Variants in DGKB observed in about 807,000 individuals in gnomAD.
DGKB encodes diacylglycerol kinase beta.
DGKB carries 67 observed loss-of-function variants against 114.3 expected under a neutral mutation model. The ratio of observed to expected loss-of-function variants is 0.59; its 90% confidence interval spans 0.48 to 0.72. DGKB has a LOEUF of 0.72. Ranked by LOEUF, DGKB falls within the 30% of genes least tolerant of loss-of-function variation. The pLI is 0.00. For synonymous variants in DGKB, 398 were observed against 323.1 expected, an observed-to-expected ratio of 1.23 and a Z score of -2.49; for missense variants, 907 against 975.2, an observed-to-expected ratio of 0.93 and a Z score of 0.93.
At chr7:14,455,092 A>C (rs949353156) in intron 21 of DGKB, among the ~76,000 whole-genome samples, 5 of 152,028 alleles carry the variant, frequency 3.3e-5, no homozygotes, top group African/African-American at 1.2e-4. Context: ...CCAACCATCA[A>C]TATACTTTTT....
intron 23 of DGKB, among the ~76,000 whole-genome samples, chr7:14,263,488 T>G (rs2128417067): frequency 6.6e-6 from 1 of 152,348 alleles, no homozygotes; most frequent in South Asian, 2.1e-4. Flanking sequence ...ATTTTCTCTT[T>G]TGCCTCTGGG....
At chr7:14,653,069 A>T (rs1464924477) in intron 13 of DGKB, among the ~76,000 whole-genome samples, 2 of 151,168 alleles carry the variant, frequency 1.3e-5, no homozygotes, top group Admixed American at 6.6e-5. Flanking sequence ...ACTGTAAACT[A>T]GTTCAACCAT....
In DGKB at chr7:14,655,390, A is replaced by C. The variant is rs6955694; in HGVS notation, c.1134+17539T>G. Among the ~76,000 whole-genome samples the C allele has an allele frequency of 3.8e-3, 584 of 151,946 alleles. 1 individual carries two copies. Among genetic ancestry groups the C allele is most frequent in the African/African-American group, 0.013 (531 of 41,506 alleles). ...TTATCAAAAAGACAAAAAATAAGAA[A>C]TACTGGCTAGGATGCAGAGAAAAGG... On this transcript the variant is annotated intron_variant, in intron 13 of 25. Transcript: ENST00000402815.
chr7:14,456,162 G>T (rs1584077238), intron 21 of DGKB, among the ~76,000 whole-genome samples: 1 of 152,010 alleles, frequency 6.6e-6, no homozygotes, highest in Admixed American at 6.6e-5. Context: ...ATGTGTATAA[G>T]GTATATATGA....
At chr7:14,700,024 T>C (rs1824839299) in intron 7 of DGKB, among the ~76,000 whole-genome samples, 1 of 152,004 alleles carries the variant, frequency 6.6e-6, no homozygotes, top group Non-Finnish European at 1.5e-5. Flanking sequence ...ACAACTCTCC[T>C]TGAAAATAGA....
intron 21 of DGKB, among the ~76,000 whole-genome samples, chr7:14,395,657 A>T (rs1257486045): frequency 6.6e-6 from 1 of 151,880 alleles, no homozygotes; most frequent in East Asian, 1.9e-4. Flanking sequence ...AAATATGTGC[A>T]AATACCAAAC....
chr7:14,825,583 G>A (rs1845592701), intron 2 of DGKB, among the ~76,000 whole-genome samples: 1 of 152,100 alleles, frequency 6.6e-6, no homozygotes, highest in South Asian at 2.1e-4. Context: ...CGAGGCTCAG[G>A]TGGTAATGCA....
intron 6 of DGKB, among the ~76,000 whole-genome samples, chr7:14,711,738 G>A (rs1290591947): frequency 6.6e-6 from 1 of 152,066 alleles, no homozygotes; most frequent in Non-Finnish European, 1.5e-5. Flanking sequence ...GATGATCTCT[G>A]GGGAGTATGT....
intron 17 of DGKB, among the ~76,000 whole-genome samples, chr7:14,594,406 T>C (rs1015339016): frequency 2.0e-5 from 3 of 152,034 alleles, no homozygotes; most frequent in Non-Finnish European, 4.4e-5. Flanking sequence ...TGACTAAACA[T>C]AGAGAATTGA....
chr7:14,699,999 G>A (rs1167000544), intron 7 of DGKB, among the ~76,000 whole-genome samples: 1 of 151,428 alleles, frequency 6.6e-6, no homozygotes, highest in Non-Finnish European at 1.5e-5. Context: ...AATTAAAAAA[G>A]AAACATTAAA....
At chr7:14,688,463 G>T (rs957325982) in intron 9 of DGKB, among the ~76,000 whole-genome samples, 1 of 152,066 alleles carries the variant, frequency 6.6e-6, no homozygotes, top group African/African-American at 2.4e-5. Context: ...CTCAGAAGAC[G>T]GGTGTTATAT....
At chr7:14,242,987 A>G (rs1793911002) in intron 23 of DGKB, among the ~76,000 whole-genome samples, 1 of 152,008 alleles carries the variant, frequency 6.6e-6, no homozygotes, top group Non-Finnish European at 1.5e-5. Context: ...AGGTGACAGT[A>G]TGAAGATTGG....
At chr7:14,769,903 TG>T (rs1167570372) in intron 2 of DGKB, among the ~76,000 whole-genome samples, 1 of 152,138 alleles carries the variant, frequency 6.6e-6, no homozygotes, top group Non-Finnish European at 1.5e-5. Context: ...AATCTCATCG[TG>T]ATATATTTAA....
At chr7:14,437,062 G>C (rs995944292) in intron 21 of DGKB, among the ~76,000 whole-genome samples, 2 of 151,742 alleles carry the variant, frequency 1.3e-5, no homozygotes, top group African/African-American at 4.8e-5. Context: ...ATGTGTTTTA[G>C]CAGTAAAGAA....
At chr7:14,167,931 T>A (rs1315612110) in intron 25 of DGKB, among the ~76,000 whole-genome samples, 2 of 152,146 alleles carry the variant, frequency 1.3e-5, no homozygotes, top group Non-Finnish European at 2.9e-5. Flanking sequence ...TCTCAAGATA[T>A]GAATCACAGA....
At chr7:14,569,198 TG>T (rs1798018401) in intron 20 of DGKB, among the ~76,000 whole-genome samples, 1 of 152,190 alleles carries the variant, frequency 6.6e-6, no homozygotes, top group South Asian at 2.1e-4. Context: ...TTTGTGTCCC[TG>T]GGGCAGGAAT....
chr7:14,702,174 A>G (rs564449124), intron 6 of DGKB, among the ~76,000 whole-genome samples: 1 of 152,294 alleles, frequency 6.6e-6, no homozygotes, highest in African/African-American at 2.4e-5. Context: ...ACTTTTCTTT[A>G]TCTGTAAAGT....
At chr7:14,204,141 A>G (rs1786365844) in intron 23 of DGKB, among the ~76,000 whole-genome samples, 2 of 152,126 alleles carry the variant, frequency 1.3e-5, no homozygotes, top group South Asian at 2.1e-4. Flanking sequence ...AATATTCTCC[A>G]TTAATGTTTT....
At chr7:14,427,980 C>T (rs917610898) in intron 21 of DGKB, among the ~76,000 whole-genome samples, 3 of 151,978 alleles carry the variant, frequency 2.0e-5, no homozygotes, top group Non-Finnish European at 4.4e-5. Flanking sequence ...CCTGTTTATA[C>T]AGTTTGTTTC....
Sources: allele counts gnomAD v4.1 joint callset (sites outside exome capture counted in the v4.1 genomes callset), GRCh38; gene constraint gnomAD v4.1.1; transcripts MANE v1.5; gene names NCBI Gene and HGNC (gene_info 2026-07-23, HGNC 2026-07-21).